Variants in DLGAP5 observed in about 807,000 individuals in gnomAD.
DLGAP5 encodes the protein DLG associated protein 5.
In DLGAP5, 90 loss-of-function variants were observed where a neutral mutation model predicts 99.6. The ratio of observed to expected loss-of-function variants is 0.90; its 90% CI spans 0.76 to 1.08. The LOEUF (loss-of-function observed/expected upper bound fraction) is 1.08, where lower values mean the gene tolerates loss of function less well. Among genes scored for constraint, DLGAP5 ranks in the 50% least tolerant of loss-of-function variants. The pLI is 0.00. For synonymous variants in DLGAP5, 311 were observed against 321.3 expected (o/e 0.97, Z 0.34); for missense variants, 1,036 against 983.5 (o/e 1.05, Z -0.71).
intron 13 of DLGAP5, among the ~76,000 whole-genome samples, chr14:55,162,629 A>AAG (rs1218049952): frequency 2.6e-5 from 4 of 151,566 alleles, no homozygotes; most frequent in African/African-American, 4.9e-5. Flanking sequence ...AAAAAAAAAA[A>AAG]AAGAAGAAGA....
intron 7 of DLGAP5, 45 bp downstream of exon 7, chr14:55,179,584 G>C (rs1468960626): frequency 6.7e-7 from 1 of 1,498,194 alleles, no homozygotes; most frequent in South Asian, 1.2e-5. Context: ...AAGTAGCAAT[G>C]AGATTTTCAA....
chr14:55,170,972 C>T (rs1594674361), intron 10 of DLGAP5, among the ~76,000 whole-genome samples, 185 bp from the exon 11 acceptor site: 1 of 152,146 alleles, frequency 6.6e-6, no homozygotes, highest in African/African-American at 2.4e-5. Context: ...AGTTGATACC[C>T]TTTGTATGTA....
intron 14 of DLGAP5, among the ~76,000 whole-genome samples, chr14:55,157,049 A>G (rs776571685): frequency 2.6e-5 from 4 of 152,154 alleles, no homozygotes; most frequent in Non-Finnish European, 4.4e-5. Flanking sequence ...CTCCAGTAAG[A>G]CTCCAGTAAG....
At position 55,176,965 on chromosome 14, in the gene DLGAP5, G is replaced by A. The variant is rs562272568; in HGVS notation, c.1049+97C>T. ...TGCACTCCAGCCTGGGCGACAGAGC[G>A]AACTCCGTCTGAAAAAAAAAAAAAA... is the stretch of plus-strand genomic sequence containing the variant. On this transcript the variant is annotated intron_variant, in intron 8 of 18. Transcript: ENST00000247191. The A allele has an allele frequency of 2.0e-4, 199 of 1,008,970 alleles. 1 individual carries two copies. The African/African-American group carries it at 3.5e-3, about 18-fold the overall frequency. The allele number at this position is 1,008,970 out of a possible 1,614,324, so 62.5% of individuals were successfully genotyped here. A position where few individuals can be genotyped will look rare whatever the true frequency, so the allele number is the denominator to read the frequency against.
At position 55,179,659 on chromosome 14, in the gene DLGAP5, A is replaced by T; in HGVS notation, c.744T>A (p.Pro248=). The stretch of plus-strand genomic sequence containing the variant: ...CGGGTTTTGTTTCTACATTTTTGGC[A>T]GGTCTTCCTTTACTTGGCACCTTTC... ...PEGKVPSKGR[P]AKNVETKPDK... Residue 248 remains proline, a synonymous_variant, in exon 7 of 19, where the codon CCT becomes CCA. Transcript: ENST00000247191. The T allele has an allele frequency of 1.9e-6, 3 of 1,612,620 alleles. No individual in the cohort carries two copies. Among genetic ancestry groups the T allele is most frequent in the Non-Finnish European group, 2.5e-6 (3 of 1,179,458 alleles).
intron 10 of DLGAP5, 79 bp from the exon 11 acceptor site, chr14:55,170,866 A>AT (rs1323908499): frequency 1.0e-6 from 1 of 1,000,736 alleles, no homozygotes; most frequent in East Asian, 2.4e-5. Flanking sequence ...ATCATGATAC[A>AT]TAACATTAGG....
intron 13 of DLGAP5, among the ~76,000 whole-genome samples, chr14:55,160,906 C>T (rs745577657): frequency 1.3e-5 from 2 of 152,022 alleles, no homozygotes; most frequent in African/African-American, 4.8e-5. Context: ...TTTTAGGATG[C>T]TTGTCAGTGA....
At chr14:55,153,599 C>T (rs1043572397) in intron 15 of DLGAP5, among the ~76,000 whole-genome samples, 7 of 151,774 alleles carry the variant, frequency 4.6e-5, no homozygotes, top group African/African-American at 1.7e-4. Context: ...AAAAGATATG[C>T]TCTATTTTTC....
chr14:55,176,586 T>C (rs1292176560), intron 8 of DLGAP5, among the ~76,000 whole-genome samples: 1 of 147,606 alleles, frequency 6.8e-6, no homozygotes, highest in African/African-American at 2.7e-5. Flanking sequence ...ATTACATTAT[T>C]GTACCTTCTG....
chr14:55,180,773 G>A lies in DLGAP5; in HGVS notation c.586C>T (p.Gln196Ter). 1.2e-6 allele frequency: 2 copies of A among 1,613,946 alleles called. No individual in the cohort carries two copies. The highest frequency in any genetic ancestry group is 1.1e-5 in the South Asian group (1 of 91,078). ...KVSDKEKKVV[Q>*]PVMPTSLRMT... ...CTCAACGACGTGGGCATTACAGGCT[G>A]CACAACTGTGGGAAAAAAAAATAAC... Residue 196 changes from glutamine to a stop codon, truncating the protein, a stop_gained, in exon 6 of 19, where the codon CAG becomes TAG. Coordinates refer to ENST00000247191, the MANE Select transcript of DLGAP5 (RefSeq NM_014750.5). LOFTEE classifies it high-confidence loss of function.
At chr14:55,168,881 A>T (rs1162467992) in intron 12 of DLGAP5, among the ~76,000 whole-genome samples, 3 of 152,186 alleles carry the variant, frequency 2.0e-5, no homozygotes, top group African/African-American at 7.2e-5. Flanking sequence ...TTCAACCTAT[A>T]TAGAAATTAT....
At chr14:55,162,104 A>G (rs1312362496) in intron 13 of DLGAP5, among the ~76,000 whole-genome samples, 1 of 151,978 alleles carries the variant, frequency 6.6e-6, no homozygotes, top group Non-Finnish European at 1.5e-5. Context: ...CCAAACCAAA[A>G]ACTTTGAATT....
intron 2 of DLGAP5, among the ~76,000 whole-genome samples, chr14:55,187,214 T>C (rs752743573): frequency 1.1e-4 from 16 of 152,178 alleles, no homozygotes; most frequent in Admixed American, 4.6e-4. Context: ...TGTCTTTTAA[T>C]ACTTTAGTAT....
intron 12 of DLGAP5, among the ~76,000 whole-genome samples, chr14:55,163,975 T>G (rs1882543137): frequency 6.6e-6 from 1 of 152,212 alleles, no homozygotes; most frequent in African/African-American, 2.4e-5. Context: ...ATCTGTGCCT[T>G]GTCTTCTCAT....
At chr14:55,181,513 A>G (rs1883275765) in intron 4 of DLGAP5, among the ~76,000 whole-genome samples, 1 of 152,226 alleles carries the variant, frequency 6.6e-6, no homozygotes, top group African/African-American at 2.4e-5. Context: ...CAGAATTTGG[A>G]AAATGCTAAT....
At chr14:55,173,261 C>T (rs1260044047) in intron 10 of DLGAP5, among the ~76,000 whole-genome samples, 2 of 126,230 alleles carry the variant, frequency 1.6e-5, no homozygotes, top group Non-Finnish European at 3.2e-5. Flanking sequence ...ATCATAAGAC[C>T]CCCGTCTCTA....
At chr14:55,183,141 C>T (rs954156167) in intron 3 of DLGAP5, among the ~76,000 whole-genome samples, 3 of 152,168 alleles carry the variant, frequency 2.0e-5, no homozygotes, top group African/African-American at 7.2e-5. Context: ...CCCACTGCCC[C>T]TTTCCATCTA....
At chr14:55,172,179 T>TAACAAA (rs1882882469) in intron 10 of DLGAP5, among the ~76,000 whole-genome samples, 1 of 139,772 alleles carries the variant, frequency 7.2e-6, no homozygotes, top group Non-Finnish European at 1.6e-5. Context: ...TTTGTTTCTT[T>TAACAAA]AAAAAAAAAA....
chr14:55,182,456 A>C (rs765248392), intron 3 of DLGAP5, 24 bp from the exon 4 acceptor site: 1 of 1,506,950 alleles, frequency 6.6e-7, no homozygotes, highest in African/African-American at 2.4e-5. Context: ...AAAGAAGATG[A>C]ACTTAAAATA....
Sources: allele counts gnomAD v4.1 joint callset (sites outside exome capture counted in the v4.1 genomes callset), GRCh38; gene constraint gnomAD v4.1.1; transcripts MANE v1.5; gene names NCBI Gene and HGNC (gene_info 2026-07-23, HGNC 2026-07-21).